The following NDUFV3 variants were observed in gnomAD, a reference collection of about 807,000 sequenced individuals.
The protein encoded by NDUFV3 is NADH:ubiquinone oxidoreductase subunit V3.
Under a neutral mutation model 37.5 loss-of-function variants are expected in NDUFV3, and 44 were observed. The ratio of observed to expected loss-of-function variants is 1.17; its 90% CI spans 0.92 to 1.51. NDUFV3 has a LOEUF of 1.51. NDUFV3 is among the 40% of genes most tolerant of loss of function. NDUFV3 has a pLI of 0.00. For synonymous variants in NDUFV3, 235 were observed against 239.3 expected (o/e 0.98, Z 0.17); for missense variants, 580 against 580.4 (o/e 1.00, Z 0.01).
intron 2 of NDUFV3, among the ~76,000 whole-genome samples, chr21:42,902,469 G>C (rs1302290463): frequency 1.3e-5 from 2 of 152,112 alleles, no homozygotes; most frequent in African/African-American, 4.8e-5. Flanking sequence ...TTGATAGGGG[G>C]ATCACTAAAA....
rs1020235661 is a variant in NDUFV3 at position 42,909,830 on chromosome 21, C to T, written c.*809C>T. The T allele has an allele frequency of 1.3e-5, 2 of 152,098 alleles. No homozygotes were observed. The highest frequency in any genetic ancestry group is 4.8e-5 in the African/African-American group (2 of 41,396). The allele number at this position is 152,098 out of a possible 1,614,324, so 9.4% of individuals were successfully genotyped here. A position where few individuals can be genotyped will look rare whatever the true frequency, so the allele number is the denominator to read the frequency against. On this transcript the variant is annotated 3_prime_UTR_variant, in exon 4 of 4. Transcript: ENST00000354250. ...TCTTGAGTAGCTGGTACTACAGGCT[C>T]ACGCCACCATGCCTGGCTAATTTTT...
Position 42,903,302 on chromosome 21 carries a change from C to T in NDUFV3, c.290C>T (p.Ala97Val), listed in dbSNP as rs35064727. 1.2e-3 allele frequency: 1,992 copies of T among 1,614,164 alleles called. 36 individuals are homozygous for T. The African/African-American group carries it at 0.025, about 20-fold the overall frequency. ...PPAVNKGRKVASPSPSGSVLF... is the reference protein window; with the variant it reads ...PPAVNKGRKVVSPSPSGSVLF... Reference sequence around the variant, plus strand: ...GCTGTGAATAAGGGCAGGAAGGTAGCTAGTCCCAGTCCCAGTGGCAGCGTG... The same window carrying T: ...GCTGTGAATAAGGGCAGGAAGGTAGTTAGTCCCAGTCCCAGTGGCAGCGTG... The change falls in exon 3 of 4, where the codon GCT becomes GTT. Residue 97 changes from alanine to valine, a missense_variant. By Grantham distance (64) the Ala-to-Val change is moderately conservative. Transcript: ENST00000354250.
At chr21:42,908,753 C>G (rs2058753544) in intron 3 of NDUFV3, 111 bp from the exon 4 acceptor site, 4 of 1,291,292 alleles carry the variant, frequency 3.1e-6, no homozygotes, top group South Asian at 2.4e-5. Context: ...GAGCTGTTCA[C>G]AGATAGGGAT....
rs531568490 is a variant in NDUFV3, at chr21:42,898,424, A to G, written c.169+1377A>G. On this transcript the variant is annotated intron_variant, in intron 2 of 3. Coordinates refer to ENST00000354250, the MANE Select transcript of NDUFV3 (RefSeq NM_021075.4). ...CAGCCTCCTGAGTAGCTGAGACTAC[A>G]GGCACATACCACCACTCCTGGCATA... Among the ~76,000 whole-genome samples the G allele has an allele frequency of 6.6e-5, 10 of 152,280 alleles. No homozygotes were observed. The South Asian group carries it at 2.1e-3, about 32-fold the overall frequency.
chr21:42,902,572 G>A (rs1046705487), intron 2 of NDUFV3, among the ~76,000 whole-genome samples: 48 of 152,166 alleles, frequency 3.2e-4, no homozygotes, highest in Admixed American at 2.9e-3. Context: ...GCAACAAGGC[G>A]AATTCCTGCT....
intron 2 of NDUFV3, among the ~76,000 whole-genome samples, chr21:42,898,938 CAA>C (rs1165195816): frequency 6.6e-6 from 1 of 152,178 alleles, no homozygotes; most frequent in East Asian, 1.9e-4. Flanking sequence ...ATGGCAGAGC[CAA>C]AGAGCCCCCT....
At chr21:42,902,538 G>C (rs1459983333) in intron 2 of NDUFV3, among the ~76,000 whole-genome samples, 1 of 152,170 alleles carries the variant, frequency 6.6e-6, no homozygotes, top group Non-Finnish European at 1.5e-5. Context: ...GGAAATTTGA[G>C]TTCTATTTTG....
At chr21:42,908,788 C>T (rs983505962) in intron 3 of NDUFV3, 76 bp from the exon 4 acceptor site, 34 of 1,547,514 alleles carry the variant, frequency 2.2e-5, no homozygotes, top group East Asian at 6.7e-5. Flanking sequence ...GGTAGGTAAG[C>T]GCCTGTGTGT....
rs535406660 is a variant in NDUFV3 at position 42,900,489 on chromosome 21, C to T, written c.170-2693C>T. Among the ~76,000 whole-genome samples, 136 of 152,210 alleles carry T rather than the reference C, an allele frequency of 8.9e-4. 1 individual carries two copies. Among genetic ancestry groups the T allele is most frequent in the African/African-American group, 3.2e-3 (132 of 41,538 alleles). Reference sequence around the variant, plus strand: ...TTGCACTGCTTCTTGGGTGTCACAGCGACACTCCATCTCAAAACAAACAAA... The same window carrying T: ...TTGCACTGCTTCTTGGGTGTCACAGTGACACTCCATCTCAAAACAAACAAA... On this transcript the variant is annotated intron_variant, in intron 2 of 3. Coordinates refer to ENST00000354250, the MANE Select transcript of NDUFV3 (RefSeq NM_021075.4).
At position 42,909,014 on chromosome 21, in the gene NDUFV3, G is replaced by T; in HGVS notation, c.1415G>T (p.Arg472Leu). Residue 472 changes from arginine (R) to leucine (L), a missense_variant, in exon 4 of 4, where the codon CGA becomes CTA. Transcript: ENST00000354250. The part of the protein sequence containing the change: ...PQPSSGRESP[R>L]H ...CCCTCCTCAGGCCGGGAGTCACCTC[G>T]ACACTGAGGGCCCTCGGTGTGAAGA... 1 of 1,613,432 alleles carries T rather than the reference G, an allele frequency of 6.2e-7. No homozygotes were observed. Among genetic ancestry groups the T allele is most frequent in the Non-Finnish European group, 8.5e-7 (1 of 1,179,922 alleles).
intron 1 of NDUFV3, among the ~76,000 whole-genome samples, 171 bp from the exon 2 acceptor site, chr21:42,896,756 T>C (rs1212680655): frequency 6.6e-6 from 1 of 152,072 alleles, no homozygotes; most frequent in Non-Finnish European, 1.5e-5. Context: ...AGAGTATCGC[T>C]TGGACCCAGG....
At chr21:42,895,764 A>C (rs2058687709) in intron 1 of NDUFV3, among the ~76,000 whole-genome samples, 1 of 152,060 alleles carries the variant, frequency 6.6e-6, no homozygotes, top group Non-Finnish European at 1.5e-5. Context: ...AAGTTTTATT[A>C]AACCAAATAT....
Position 42,907,830 on chromosome 21 carries a change from A to G in NDUFV3, c.1265-1034A>G, listed in dbSNP as rs369817828. Among the ~76,000 whole-genome samples the G allele has an allele frequency of 1.9e-4, 29 of 151,592 alleles. 1 individual carries two copies. The South Asian group carries it at 2.1e-3, about 11-fold the overall frequency. ...GATCTAGAACTCCTGAGCTCAAGCA[A>G]TCCTCCCACCTCGGCCTCCCAAAGT... On this transcript the variant is annotated intron_variant, in intron 3 of 3. Coordinates refer to ENST00000354250, the MANE Select transcript of NDUFV3 (RefSeq NM_021075.4).
In NDUFV3 at chr21:42,899,047, C is replaced by T. The variant is rs367891243; in HGVS notation, c.169+2000C>T. On this transcript the variant is annotated intron_variant, in intron 2 of 3. Coordinates refer to ENST00000354250, the MANE Select transcript of NDUFV3 (RefSeq NM_021075.4). ...GGGGAGGGGAACACTGACCTGGGAGCGAGCCTTGGGCTCTCATGGAGCTCC... is the reference window on the plus strand; with the variant it reads ...GGGGAGGGGAACACTGACCTGGGAGTGAGCCTTGGGCTCTCATGGAGCTCC... Among the ~76,000 whole-genome samples, 28 of 152,250 alleles carry T rather than the reference C, an allele frequency of 1.8e-4. 1 individual carries two copies. In the South Asian group the frequency reaches 2.1e-3, roughly 11 times the overall value.
At chr21:42,902,834 G>C (rs1411641687) in intron 2 of NDUFV3, among the ~76,000 whole-genome samples, 1 of 152,164 alleles carries the variant, frequency 6.6e-6, no homozygotes, top group Non-Finnish European at 1.5e-5. Context: ...GATATACAGT[G>C]ATGCAGTATT....
At chr21:42,900,956 C>T (rs114799908) in intron 2 of NDUFV3, among the ~76,000 whole-genome samples, 163 of 152,228 alleles carry the variant, frequency 1.1e-3, no homozygotes, top group African/African-American at 3.8e-3. Context: ...GAATCCAGTA[C>T]CCAGGCCTAA....
rs2058764962 is a variant in NDUFV3, at chr21:42,910,420, G to A, written c.*1399G>A. On this transcript the variant is annotated 3_prime_UTR_variant, in exon 4 of 4. Transcript: ENST00000354250. ...ATCAGAAAAGGAAGGGAATTGTTTT[G>A]TTTGCCTCTGTTAGATATTTTATAT... The A allele has an allele frequency of 6.6e-6, 1 of 152,306 alleles. No individual in the cohort carries two copies. 9.4% of individuals were successfully genotyped at this position (152,306 alleles called of 1,614,324 possible).
chr21:42,894,352 A>ATAT lies in NDUFV3; in HGVS notation c.48+971_48+972insTAT, dbSNP rs1198202353. Among the ~76,000 whole-genome samples, 15 of 38,844 alleles carry ATAT rather than the reference A, an allele frequency of 3.9e-4. No homozygotes were observed. In the African/African-American group the frequency reaches 8.9e-3, roughly 23 times the overall value. The allele number at this position is 38,844 out of a possible 152,430, so 25.5% of individuals were successfully genotyped here. On this transcript the variant is annotated intron_variant, in intron 1 of 3. Coordinates refer to ENST00000354250, the MANE Select transcript of NDUFV3 (RefSeq NM_021075.4). ...ATACATATTATATATATTATATATA[A>ATAT]ATATATATTATATATATATTTATAT...
chr21:42,899,155 G>C (rs111809292), intron 2 of NDUFV3, among the ~76,000 whole-genome samples: 42 of 152,190 alleles, frequency 2.8e-4, no homozygotes, highest in African/African-American at 9.9e-4. Flanking sequence ...CAGCCTTGCT[G>C]GGTGGTTGTG....
Sources: gnomAD v4.1 joint callset for allele counts (sites outside exome capture counted in the v4.1 genomes callset) on GRCh38, gnomAD v4.1.1 for gene constraint, MANE v1.5 for transcripts, NCBI Gene and HGNC (gene_info 2026-07-23, HGNC 2026-07-21) for gene names.